USP47: variants seen among roughly 807,000 people sequenced by gnomAD.
USP47 encodes ubiquitin specific peptidase 47.
In USP47, 35 loss-of-function variants were observed where a neutral mutation model predicts 165.1. The observed-to-expected ratio is 0.21, with a 90% CI of 0.16 to 0.28. USP47 has a LOEUF of 0.28. USP47 is among the 10% of genes least tolerant of loss of function. The probability of loss-of-function intolerance (pLI) is 1.00; values close to 1 mark genes in which losing one functional copy is unlikely to be tolerated. For synonymous variants in USP47, 531 were observed against 544.5 expected, an observed-to-expected ratio of 0.98 and a Z score of 0.35; for missense variants, 1,277 against 1,607.4, an observed-to-expected ratio of 0.79 and a Z score of 3.52.
Position 11,950,053 on chromosome 11 carries a change from C to A in USP47, c.3464+49C>A. ...GCGATTTGAAGAAAGACTATGTGGT[C>A]AGTTGAAATGGACTGGTATGATTTT... On this transcript the variant is annotated intron_variant, in intron 23 of 27. Transcript: ENST00000527733. 2.2e-6 allele frequency: 3 copies of A among 1,338,330 alleles called. No individual in the cohort carries two copies. In the South Asian group the frequency reaches 3.7e-5, roughly 17 times the overall value. The allele number at this position is 1,338,330 out of a possible 1,614,324, so 82.9% of individuals were successfully genotyped here. A position where few individuals can be genotyped will look rare whatever the true frequency, so the allele number is the denominator to read the frequency against.
chr11:11,943,125 A>G lies in USP47; in HGVS notation c.3091+13A>G, dbSNP rs779592123. On this transcript the variant is annotated intron_variant, in intron 20 of 27. Coordinates refer to ENST00000527733, the MANE Select transcript of USP47 (RefSeq NM_001282659.2). ...GAAGGACATAAATGTATGTACTTCAAAAGAAAAACGGTCCTTGAAACAGCA... is the reference window on the plus strand; with the variant it reads ...GAAGGACATAAATGTATGTACTTCAGAAGAAAAACGGTCCTTGAAACAGCA... 7 of 1,578,636 alleles carry G rather than the reference A, an allele frequency of 4.4e-6. No individual in the cohort carries two copies. In the South Asian group the frequency reaches 7.0e-5, roughly 16 times the overall value.
rs57342188 is a variant in USP47 at position 11,875,033 on chromosome 11, TTGTGTGTG to T, written c.40-5102_40-5095del. 2.7e-3 allele frequency among the ~76,000 whole-genome samples: 261 copies of T among 95,406 alleles called. 1 individual carries two copies. The highest frequency in any genetic ancestry group is 7.5e-3 in the South Asian group (22 of 2,918). The allele number at this position is 95,406 out of a possible 152,430, so 62.6% of individuals were successfully genotyped here. A position where few individuals can be genotyped will look rare whatever the true frequency, so the allele number is the denominator to read the frequency against. On this transcript the variant is annotated intron_variant, in intron 1 of 27. Transcript: ENST00000527733. ...CCAAAAGGGAGAGAAAATTGACTTATTGTGTGTGTGTGTGTGTGTGTGTGTGTGTGTGT... is the reference window on the plus strand; with the variant it reads ...CCAAAAGGGAGAGAAAATTGACTTATTGTGTGTGTGTGTGTGTGTGTGTGT...
At chr11:11,939,956 TA>T (rs1855350691) in intron 18 of USP47, among the ~76,000 whole-genome samples, 1 of 152,006 alleles carries the variant, frequency 6.6e-6, no homozygotes. Context: ...CAGAAAAACT[TA>T]AAATTTTCCC....
Position 11,959,383 on chromosome 11 carries a change from T to C in USP47, c.*3208T>C, listed in dbSNP as rs1435694221. 1 of 152,212 alleles carries C rather than the reference T, an allele frequency of 6.6e-6. No homozygotes were observed. Among genetic ancestry groups the C allele is most frequent in the African/African-American group, 2.4e-5 (1 of 41,462 alleles). The allele number at this position is 152,212 out of a possible 1,614,324, so 9.4% of individuals were successfully genotyped here. A position where few individuals can be genotyped will look rare whatever the true frequency, so the allele number is the denominator to read the frequency against. On this transcript the variant is annotated 3_prime_UTR_variant, in exon 28 of 28. Coordinates refer to ENST00000527733, the MANE Select transcript of USP47 (RefSeq NM_001282659.2). ...TTTTGGTCACTAGTAGTCAAAATCT[T>C]ATAAGGCCATATGTCCTGAAAGGCA...
At chr11:11,882,250 G>A (rs1223240721) in intron 2 of USP47, among the ~76,000 whole-genome samples, 2 of 151,936 alleles carry the variant, frequency 1.3e-5, no homozygotes, top group African/African-American at 4.8e-5. Flanking sequence ...TCTTAACATA[G>A]ATTTCCATAT....
chr11:11,933,045 T>C lies in USP47; in HGVS notation c.1693T>C (p.Leu565=). 6.2e-7 allele frequency: 1 copy of C among 1,613,286 alleles called. No individual in the cohort carries two copies. Among genetic ancestry groups the C allele is most frequent in the Non-Finnish European group, 8.5e-7 (1 of 1,179,560 alleles). ...VDEYPEHIKN[L]VQKERELEEQ... ...TGAATACCCAGAACATATTAAAAACTTGGTGCAGAAAGAGAGAGAGTTGGA... is the reference window on the plus strand; with the variant it reads ...TGAATACCCAGAACATATTAAAAACCTGGTGCAGAAAGAGAGAGAGTTGGA... Residue 565 remains leucine, a synonymous_variant, in exon 15 of 28, where the codon TTG becomes CTG. Transcript: ENST00000527733.
intron 8 of USP47, among the ~76,000 whole-genome samples, chr11:11,910,978 T>A (rs926055698): frequency 6.6e-6 from 1 of 152,144 alleles, no homozygotes; most frequent in South Asian, 2.1e-4. Context: ...TAGAAACACT[T>A]CAGTGAGCAG....
intron 11 of USP47, among the ~76,000 whole-genome samples, chr11:11,925,176 C>T (rs373217495): frequency 6.7e-6 from 1 of 149,858 alleles, no homozygotes; most frequent in African/African-American, 2.5e-5. Flanking sequence ...GGTGTGATCT[C>T]GGCTCACTGC....
chr11:11,902,601 ACT>A lies in USP47; in HGVS notation c.594-111_594-110del, dbSNP rs1367298522. 2.0e-5 allele frequency: 15 copies of A among 754,172 alleles called. No homozygotes were observed. In the South Asian group the frequency reaches 4.5e-4, roughly 22 times the overall value. 46.7% of individuals were successfully genotyped at this position (754,172 alleles called of 1,614,324 possible). A position where few individuals can be genotyped will look rare whatever the true frequency, so the allele number is the denominator to read the frequency against. On this transcript the variant is annotated intron_variant, in intron 5 of 27. Coordinates refer to ENST00000527733, the MANE Select transcript of USP47 (RefSeq NM_001282659.2). ...ATTATTAGTTTCAATTAGCATTCAA[ACT>A]CTGTATAGCTTCCAGGATTAAAATC... is the stretch of plus-strand genomic sequence containing the variant.
intron 20 of USP47, among the ~76,000 whole-genome samples, chr11:11,945,676 C>T (rs774702237): frequency 2.7e-5 from 4 of 150,686 alleles, no homozygotes; most frequent in Non-Finnish European, 5.9e-5. Context: ...GTGCCTCACA[C>T]CTGTAGTCCC....
Position 11,920,209 on chromosome 11 carries a change from G to A in USP47, c.1023G>A (p.Gln341=). Residue 341 remains glutamine, a synonymous_variant, in exon 9 of 28, where the codon CAG becomes CAA. Transcript: ENST00000527733. ...IQPEILDGPN[Q]YFCERCKKKC... is the part of the protein sequence containing the mutation. ...CAGAGATTCTGGATGGCCCAAATCA[G>A]TATTTTTGTGAACGTTGTAAGAAGA... The A allele has an allele frequency of 6.2e-7, 1 of 1,609,608 alleles. No individual in the cohort carries two copies. Among genetic ancestry groups the A allele is most frequent in the Non-Finnish European group, 8.5e-7 (1 of 1,177,556 alleles).
intron 8 of USP47, among the ~76,000 whole-genome samples, chr11:11,915,788 A>C (rs1853371016): frequency 6.6e-6 from 1 of 152,194 alleles, no homozygotes; most frequent in African/African-American, 2.4e-5. Context: ...TTTTAAGGAA[A>C]ACATCATGTT....
chr11:11,883,628 A>G (rs1850971587), intron 2 of USP47, among the ~76,000 whole-genome samples: 1 of 152,232 alleles, frequency 6.6e-6, no homozygotes, highest in East Asian at 1.9e-4. Flanking sequence ...TCTTAATGTA[A>G]CAAAACAGTT....
At chr11:11,847,396 T>G (rs1163212977) in intron 1 of USP47, among the ~76,000 whole-genome samples, 1 of 152,086 alleles carries the variant, frequency 6.6e-6, no homozygotes, top group East Asian at 1.9e-4. Context: ...ATTTACACAT[T>G]TATATCTCCA....
At chr11:11,859,545 T>G (rs967815630) in intron 1 of USP47, among the ~76,000 whole-genome samples, 5 of 152,206 alleles carry the variant, frequency 3.3e-5, no homozygotes, top group Admixed American at 1.3e-4. Flanking sequence ...TGAAACCTTG[T>G]GAGAATGCCA....
intron 1 of USP47, among the ~76,000 whole-genome samples, chr11:11,868,943 A>G (rs536119996): frequency 3.3e-5 from 5 of 151,852 alleles, no homozygotes; most frequent in Admixed American, 6.6e-5. Flanking sequence ...ATGTCTTTTC[A>G]TGATTTTTGT....
intron 8 of USP47, among the ~76,000 whole-genome samples, chr11:11,906,602 G>A (rs547479077): frequency 1.7e-4 from 26 of 152,088 alleles, no homozygotes; most frequent in African/African-American, 5.8e-4. Flanking sequence ...ACCTTTTCTG[G>A]GTAGCGTAAG....
chr11:11,855,082 G>T (rs1023550407), intron 1 of USP47, among the ~76,000 whole-genome samples: 1 of 150,996 alleles, frequency 6.6e-6, no homozygotes, highest in Non-Finnish European at 1.5e-5. Context: ...GCGACAGAGC[G>T]AGACTCCGTC....
chr11:11,857,041 G>A (rs1266773364), intron 1 of USP47, among the ~76,000 whole-genome samples: 1 of 151,992 alleles, frequency 6.6e-6, no homozygotes, highest in Non-Finnish European at 1.5e-5. Context: ...TCTTCCTAAG[G>A]TTATCCACAG....
Sources: allele counts gnomAD v4.1 joint callset (sites outside exome capture counted in the v4.1 genomes callset), GRCh38; gene constraint gnomAD v4.1.1; transcripts MANE v1.5; gene names NCBI Gene and HGNC (gene_info 2026-07-23, HGNC 2026-07-21).